The following BCR variants were observed in gnomAD, a reference collection of about 807,000 sequenced individuals.
BCR encodes the protein breakpoint cluster region protein.
BCR carries 58 observed loss-of-function variants against 138.6 expected under a neutral mutation model. The observed-to-expected ratio is 0.42, with a 90% CI of 0.34 to 0.52. BCR has a LOEUF of 0.52. Ranked by LOEUF, BCR falls within the 20% of genes least tolerant of loss-of-function variation. BCR has a pLI of 0.06. For synonymous variants in BCR, 786 were observed against 730.1 expected, an observed-to-expected ratio of 1.08 and a Z score of -1.23; for missense variants, 1,599 against 1,727.2, an observed-to-expected ratio of 0.93 and a Z score of 1.32.
chr22:23,245,297 T>C (rs1437339122), intron 1 of BCR, among the ~76,000 whole-genome samples: 5 of 152,112 alleles, frequency 3.3e-5, no homozygotes, highest in African/African-American at 1.2e-4. Flanking sequence ...TTTTCCAGCC[T>C]ATGGGGGGCC....
chr22:23,273,856 G>T, intron 8 of BCR, 82 bp downstream of exon 8: 1 of 1,572,038 alleles, frequency 6.4e-7, no homozygotes, highest in East Asian at 2.3e-5. Flanking sequence ...GAGGTCTGGA[G>T]CCCTTCCTGG....
chr22:23,257,767 A>C (rs2073310738), intron 2 of BCR, among the ~76,000 whole-genome samples: 1 of 152,204 alleles, frequency 6.6e-6, no homozygotes, highest in African/African-American at 2.4e-5. Context: ...GTAGCATTTC[A>C]GGGCACCAAG....
intron 1 of BCR, among the ~76,000 whole-genome samples, chr22:23,232,692 C>T (rs908687936): frequency 5.9e-5 from 9 of 152,230 alleles, no homozygotes; most frequent in East Asian, 1.9e-4. Flanking sequence ...CTGCTGCACC[C>T]GTGAGCATGG....
chr22:23,314,382 G>GC (rs747602195), intron 21 of BCR, among the ~76,000 whole-genome samples, 170 bp from the exon 22 acceptor site: 3 of 152,118 alleles, frequency 2.0e-5, no homozygotes, highest in Non-Finnish European at 4.4e-5. Context: ...CCCAGAGCTG[G>GC]CTCCTTGTCC....
At chr22:23,286,196 T>C (rs115143548) in intron 10 of BCR, among the ~76,000 whole-genome samples, 6,975 of 152,328 alleles carry the variant, frequency 0.046, 435 homozygotes, top group African/African-American at 0.12. Context: ...GCCACCCCTC[T>C]AGGTGTTCAG....
chr22:23,184,768 A>C (rs548978546), intron 1 of BCR, among the ~76,000 whole-genome samples: 2 of 152,312 alleles, frequency 1.3e-5, no homozygotes, highest in East Asian at 3.9e-4. Flanking sequence ...TCTGCCTAGC[A>C]GTTTCCCCTG....
chr22:23,199,183 G>T, intron 1 of BCR: 2 of 447,598 alleles, frequency 4.5e-6, no homozygotes, highest in Admixed American at 2.6e-5. Flanking sequence ...ACATAAGTCT[G>T]GTTTCCTCTC....
rs563375417 is a variant in BCR, at chr22:23,229,240, C to A, written c.1280-24559C>A. 2.4e-4 allele frequency among the ~76,000 whole-genome samples: 37 copies of A among 152,120 alleles called. No individual in the cohort carries two copies. The Middle Eastern group carries it at 0.014, about 56-fold the overall frequency. ...ATTTTTTTTGGCTGAGAAGGCCTGT[C>A]TTTTTATTTGTTTCAAGAGTCTTTG... On this transcript the variant is annotated intron_variant, in intron 1 of 22. Transcript: ENST00000305877.
At chr22:23,298,943 C>T (rs2073875005) in intron 16 of BCR, among the ~76,000 whole-genome samples, 1 of 152,024 alleles carries the variant, frequency 6.6e-6, no homozygotes, top group Non-Finnish European at 1.5e-5. Context: ...AAACAAACAT[C>T]ACTCATTTTG....
intron 22 of BCR, 96 bp downstream of exon 22, chr22:23,314,810 T>C: frequency 6.8e-7 from 1 of 1,463,152 alleles, no homozygotes; most frequent in Non-Finnish European, 9.4e-7. Flanking sequence ...CTTACTTGCA[T>C]TGTATGTGGT....
chr22:23,260,124 T>C (rs2073340595), intron 2 of BCR, among the ~76,000 whole-genome samples: 1 of 152,136 alleles, frequency 6.6e-6, no homozygotes, highest in South Asian at 2.1e-4. Context: ...GGAGGGGAGA[T>C]GTTATCATAA....
chr22:23,206,296 T>A (rs1290891008), intron 1 of BCR, among the ~76,000 whole-genome samples: 1 of 152,090 alleles, frequency 6.6e-6, no homozygotes, highest in Non-Finnish European at 1.5e-5. Flanking sequence ...GAAAATAGGC[T>A]GGGGGCGGTG....
At position 23,181,751 on chromosome 22, in the gene BCR, A is replaced by G. The variant is rs547122176; in HGVS notation, c.791A>G (p.Asn264Ser). ...CTGAAGGACAACCTGATCGACGCCA[A>G]TGGCGGTAGCAGGCCCCCTTGGCCG... is the stretch of plus-strand genomic sequence containing the variant. The part of the protein sequence containing the change: ...RFLKDNLIDA[N>S]GGSRPPWPPL... The change falls in exon 1 of 23, where the codon AAT becomes AGT. Residue 264 changes from asparagine to serine, a missense_variant. Asn to Ser is a conservative substitution (Grantham distance 46). Coordinates refer to ENST00000305877, the MANE Select transcript of BCR (RefSeq NM_004327.4). The G allele has an allele frequency of 3.6e-5, 58 of 1,604,960 alleles. No individual in the cohort carries two copies. In the African/African-American group the frequency reaches 4.7e-4, roughly 13 times the overall value.
chr22:23,283,311 G>A (rs1429443240), intron 8 of BCR: 2 of 152,330 alleles, frequency 1.3e-5, no homozygotes, highest in South Asian at 4.1e-4. Context: ...TATCCATCCT[G>A]TCTAGTTGGG....
chr22:23,267,449 C>G (rs1266412719), intron 4 of BCR, among the ~76,000 whole-genome samples: 2 of 152,148 alleles, frequency 1.3e-5, no homozygotes, highest in East Asian at 3.9e-4. Context: ...CCTGGTTTAT[C>G]CAGCATCTGG....
intron 1 of BCR, among the ~76,000 whole-genome samples, chr22:23,197,285 C>T (rs1013863329): frequency 2.0e-5 from 3 of 152,232 alleles, no homozygotes; most frequent in Non-Finnish European, 4.4e-5. Context: ...TAGGCTCTGT[C>T]GTGTAGGTTT....
chr22:23,222,294 C>T (rs568272267), intron 1 of BCR, among the ~76,000 whole-genome samples: 2 of 152,122 alleles, frequency 1.3e-5, no homozygotes, highest in East Asian at 1.9e-4. Flanking sequence ...CTGCCTGGCG[C>T]GTCTTGGGCC....
rs1394536048 is a variant in BCR, at chr22:23,260,839, G to A, written c.1462-111G>A. The A allele has an allele frequency of 1.4e-5, 14 of 991,206 alleles. No individual in the cohort carries two copies. In the East Asian group the frequency reaches 2.2e-4, roughly 15 times the overall value. 61.4% of individuals were successfully genotyped at this position (991,206 alleles called of 1,614,324 possible). A position where few individuals can be genotyped will look rare whatever the true frequency, so the allele number is the denominator to read the frequency against. ...TAATTCCATGTGGAGCCTTTGTGGG[G>A]GCAGGGGTTTGTCCAGAGGTCAACA... On this transcript the variant is annotated intron_variant, in intron 2 of 22. Transcript: ENST00000305877.
At chr22:23,203,487 T>G (rs1388527120) in intron 1 of BCR, among the ~76,000 whole-genome samples, 2 of 152,200 alleles carry the variant, frequency 1.3e-5, no homozygotes, top group African/African-American at 4.8e-5. Context: ...AATCTGAGAT[T>G]AAGGTTTGCT....
Sources: allele counts gnomAD v4.1 joint callset (sites outside exome capture counted in the v4.1 genomes callset), GRCh38; gene constraint gnomAD v4.1.1; transcripts MANE v1.5; gene names NCBI Gene and HGNC (gene_info 2026-07-23, HGNC 2026-07-21).